The following UPK1B variants were observed in gnomAD, a reference collection of about 807,000 sequenced individuals.
UPK1B encodes uroplakin-1b.
In UPK1B, 28 loss-of-function variants were observed where a neutral mutation model predicts 34.2. That is an observed-to-expected ratio of 0.82 (90% confidence interval 0.61 to 1.12). UPK1B has a LOEUF of 1.12. Ranked by LOEUF, UPK1B falls within the 50% of genes most tolerant of loss-of-function variation. The pLI is 0.00. For synonymous variants in UPK1B, 81 were observed against 110.4 expected (o/e 0.73, Z 1.67); for missense variants, 325 against 320.9 (o/e 1.01, Z -0.10).
rs138011283 is a variant in UPK1B at position 119,198,927 on chromosome 3, G to C, written c.649-130G>C. The C allele has an allele frequency of 8.6e-4, 819 of 947,676 alleles. 1 individual carries two copies. In the African/African-American group the frequency reaches 0.01, roughly 12 times the overall value. 58.7% of individuals were successfully genotyped at this position (947,676 alleles called of 1,614,324 possible). ...AGTAGCTGGCTGTCCTCAGAGATGT[G>C]GAAATAGCCTGGATATGTGAAATCA... On this transcript the variant is annotated intron_variant, in intron 6 of 7. Coordinates refer to ENST00000264234, the MANE Select transcript of UPK1B (RefSeq NM_006952.4).
rs3796356 is a variant in UPK1B at position 119,191,115 on chromosome 3, T to C, written c.468+11T>C. 1,537,239 of 1,613,452 alleles carry C rather than the reference T, an allele frequency of 0.95. 733,670 individuals carry two copies. Among genetic ancestry groups the C allele is most frequent in the Non-Finnish European group, 0.97 (1,142,825 of 1,179,630 alleles). On this transcript the variant is annotated intron_variant, in intron 5 of 7. Coordinates refer to ENST00000264234, the MANE Select transcript of UPK1B (RefSeq NM_006952.4). ...AGGCTCATGCTCCAGGTAAGACCTG[T>C]GGTCTTGGGGAGATGCCATTTTTAC...
intron 1 of UPK1B, among the ~76,000 whole-genome samples, chr3:119,177,985 G>A (rs377218284): frequency 6.6e-6 from 1 of 151,976 alleles, no homozygotes; most frequent in African/African-American, 2.4e-5. Flanking sequence ...GCTGGGCTTC[G>A]GAAGGTGGTA....
chr3:119,179,584 A>C (rs1344560820), intron 1 of UPK1B, among the ~76,000 whole-genome samples: 1 of 122,476 alleles, frequency 8.2e-6, no homozygotes, highest in Non-Finnish European at 1.6e-5. Flanking sequence ...ATCTTGGCTC[A>C]CTGCAAGCTC....
Position 119,193,407 on chromosome 3 carries a change from T to C in UPK1B, c.469-812T>C, listed in dbSNP as rs1007219929. On this transcript the variant is annotated intron_variant, in intron 5 of 7. Transcript: ENST00000264234. ...CATTCTAAAAGTTCCAAGATACCCA[T>C]GGTTTTAACTTCCTCCCTTTTGAAG... 3.6e-4 allele frequency among the ~76,000 whole-genome samples: 55 copies of C among 152,232 alleles called. 3 individuals are homozygous for C. Among genetic ancestry groups the C allele is most frequent in the Admixed American group, 3.5e-3 (54 of 15,276 alleles).
intron 1 of UPK1B, among the ~76,000 whole-genome samples, chr3:119,184,858 T>C (rs1275340887): frequency 6.6e-6 from 1 of 152,250 alleles, no homozygotes; most frequent in Non-Finnish European, 1.5e-5. Flanking sequence ...TTCCTCTCTA[T>C]GCTTCTGTTA....
chr3:119,187,595 G>A (rs10934486), intron 2 of UPK1B, among the ~76,000 whole-genome samples, 180 bp from the exon 3 acceptor site: 29,511 of 152,112 alleles, frequency 0.19, 3,446 homozygotes, highest in African/African-American at 0.31. Flanking sequence ...CATGTGAAGG[G>A]ATGTATGCAA....
chr3:119,176,638 C>T (rs556614925), intron 1 of UPK1B, among the ~76,000 whole-genome samples: 46 of 152,254 alleles, frequency 3.0e-4, no homozygotes, highest in African/African-American at 1.1e-3. Context: ...AGGTGAGTTG[C>T]GTACTTTCAG....
At position 119,186,831 on chromosome 3, in the gene UPK1B, A is replaced by G. The variant is rs758942486; in HGVS notation, c.69+21A>G. 51 of 1,611,118 alleles carry G rather than the reference A, an allele frequency of 3.2e-5. No homozygotes were observed. In the East Asian group the frequency reaches 9.8e-4, roughly 31 times the overall value. ...TTGGTGTAAGTAATGATTATTTTCC[A>G]GGAAATTCTGCACTTCCTGTAATCA... On this transcript the variant is annotated intron_variant, in intron 2 of 7. Coordinates refer to ENST00000264234, the MANE Select transcript of UPK1B (RefSeq NM_006952.4).
At chr3:119,180,716 G>A (rs1042867565) in intron 1 of UPK1B, among the ~76,000 whole-genome samples, 3 of 150,972 alleles carry the variant, frequency 2.0e-5, no homozygotes, top group African/African-American at 7.3e-5. Flanking sequence ...CTGTGTCAAA[G>A]CTTTTCTTTT....
At chr3:119,186,669 C>A in intron 1 of UPK1B, 45 bp from the exon 2 acceptor site, 1 of 1,506,978 alleles carries the variant, frequency 6.6e-7, no homozygotes, top group Non-Finnish European at 9.2e-7. Flanking sequence ...TTGGTTTACT[C>A]ATGTTACAGA....
chr3:119,197,604 T>G (rs1473740443), intron 6 of UPK1B, among the ~76,000 whole-genome samples: 3 of 152,266 alleles, frequency 2.0e-5, no homozygotes, highest in African/African-American at 4.8e-5. Flanking sequence ...CCATTCATTC[T>G]GTAAATGTTT....
chr3:119,184,563 C>CAA (rs11369996), intron 1 of UPK1B, among the ~76,000 whole-genome samples: 3,955 of 117,160 alleles, frequency 0.034, 99 homozygotes, highest in Admixed American at 0.073. Flanking sequence ...ACTAAAAATA[C>CAA]AAAAAAAAAA....
At chr3:119,174,062 C>G (rs1423238408) in intron 1 of UPK1B, among the ~76,000 whole-genome samples, 1 of 152,086 alleles carries the variant, frequency 6.6e-6, no homozygotes, top group Non-Finnish European at 1.5e-5. Flanking sequence ...CGAAATAGCT[C>G]GTGTTATTTC....
intron 6 of UPK1B, among the ~76,000 whole-genome samples, chr3:119,195,612 A>G (rs2078063254): frequency 6.6e-6 from 1 of 152,242 alleles, no homozygotes; most frequent in Non-Finnish European, 1.5e-5. Context: ...GCTGCTTATA[A>G]TCAAGGTGTA....
At chr3:119,180,970 G>A (rs147824227) in intron 1 of UPK1B, among the ~76,000 whole-genome samples, 346 of 150,806 alleles carry the variant, frequency 2.3e-3, no homozygotes, top group African/African-American at 8.0e-3. Flanking sequence ...TGAGGGGCAG[G>A]GGGAAGTCTT....
intron 2 of UPK1B, among the ~76,000 whole-genome samples, chr3:119,187,184 T>C (rs943480993): frequency 2.6e-5 from 4 of 152,196 alleles, no homozygotes; most frequent in Non-Finnish European, 5.9e-5. Context: ...TGCATCTTGT[T>C]CTTCTCATAC....
chr3:119,198,383 A>G (rs1033431622), intron 6 of UPK1B, among the ~76,000 whole-genome samples: 2 of 152,180 alleles, frequency 1.3e-5, no homozygotes, highest in East Asian at 1.9e-4. Flanking sequence ...ACATGCGTGT[A>G]TCACTCCAGA....
At chr3:119,190,399 G>T (rs1444220890) in intron 4 of UPK1B, 80 bp downstream of exon 4, 14 of 1,075,332 alleles carry the variant, frequency 1.3e-5, no homozygotes, top group Non-Finnish European at 2.0e-5. Context: ...CTTACTATGT[G>T]CCCAGGCAAT....
At chr3:119,181,819 T>G (rs1394971030) in intron 1 of UPK1B, among the ~76,000 whole-genome samples, 1 of 152,202 alleles carries the variant, frequency 6.6e-6, no homozygotes, top group Non-Finnish European at 1.5e-5. Context: ...TCCTCCTACT[T>G]TGGAGACTCT....
Sources: allele counts gnomAD v4.1 joint callset (sites outside exome capture counted in the v4.1 genomes callset), GRCh38; gene constraint gnomAD v4.1.1; transcripts MANE v1.5; gene names NCBI Gene and HGNC (gene_info 2026-07-23, HGNC 2026-07-21).